The following PLOD3 variants were observed in gnomAD, a reference collection of about 807,000 sequenced individuals.
PLOD3 encodes procollagen-lysine,2-oxoglutarate 5-dioxygenase 3.
PLOD3 carries 73 observed loss-of-function variants against 96.9 expected under a neutral mutation model. That is an observed-to-expected ratio of 0.75 (90% CI 0.62 to 0.92). The LOEUF (loss-of-function observed/expected upper bound fraction) is 0.92. Among genes scored for constraint, PLOD3 ranks in the 40% least tolerant of loss-of-function variants. The pLI is 0.00. For synonymous variants in PLOD3, 454 were observed against 413.7 expected, an observed-to-expected ratio of 1.10 and a Z score of -1.18; for missense variants, 1,004 against 1,004.3, an observed-to-expected ratio of 1.00 and a Z score of 0.00.
intron 15 of PLOD3, 101 bp from the exon 16 acceptor site, chr7:101,209,058 G>T (rs963638665): frequency 1.0e-5 from 9 of 891,718 alleles, no homozygotes; most frequent in Non-Finnish European, 1.7e-5. Context: ...GAGCAGGGAA[G>T]GCTTTGTGAG....
intron 1 of PLOD3, 47 bp downstream of exon 1, chr7:101,217,119 G>A (rs1199222178): frequency 7.0e-7 from 1 of 1,436,576 alleles, no homozygotes; most frequent in Non-Finnish European, 9.1e-7. Context: ...TGGCAGGCAC[G>A]CCAGCCTCTG....
Position 101,208,878 on chromosome 7 carries a change from C to T in PLOD3, c.1763G>A (p.Gly588Asp). 1 of 1,613,598 alleles carries T rather than the reference C, an allele frequency of 6.2e-7. No individual in the cohort carries two copies. The highest frequency in any genetic ancestry group is 1.7e-5 in the Admixed American group (1 of 60,016). ...DELVAEMEHY[G>D]QWSGGRHEDS... ...CTCATGCCGGCCGCCTGACCACTGG[C>T]CGTAGTGCTCCATCTCTGCCACCAG... Residue 588 changes from glycine (G) to aspartate (D), a missense_variant, in exon 16 of 19, where the codon GGC becomes GAC. Physicochemically the swap from Gly to Asp is moderately conservative, Grantham distance 94. This residue lies in a region of PLOD3 where 222 missense variants were observed against 220.4 expected (regional missense o/e 1.01). Coordinates refer to ENST00000223127, the MANE Select transcript of PLOD3 (RefSeq NM_001084.5).
At position 101,212,671 on chromosome 7, in the gene PLOD3, C is replaced by T. The variant is rs190246843; in HGVS notation, c.880-16G>A. The stretch of plus-strand genomic sequence containing the variant: ...GGGGGGGAGGCTGGAAGATGCAACA[C>T]GCAGGGACTCAGAGAGAAGCCCGGA... On this transcript the variant is annotated splice_polypyrimidine_tract_variant and intron_variant, in intron 8 of 18. Transcript: ENST00000223127. The T allele has an allele frequency of 3.2e-3, 5,140 of 1,613,342 alleles. 11 individuals carry two copies. The highest frequency in any genetic ancestry group is 4.0e-3 in the Non-Finnish European group (4,706 of 1,179,916).
In PLOD3 at chr7:101,206,197, G is replaced by A; in HGVS notation, c.*84C>T. 7.6e-7 allele frequency: 1 copy of A among 1,318,656 alleles called. No individual in the cohort carries two copies. The highest frequency in any genetic ancestry group is 1.7e-5 in the Admixed American group (1 of 59,642). 81.7% of individuals were successfully genotyped at this position (1,318,656 alleles called of 1,614,324 possible). On this transcript the variant is annotated 3_prime_UTR_variant, in exon 19 of 19. Coordinates refer to ENST00000223127, the MANE Select transcript of PLOD3 (RefSeq NM_001084.5). ...AACTCAGGAAGTGGGGAGACAGAGAGACCCATCCCCCAACTCCCAGGACGG... is the reference window on the plus strand; with the variant it reads ...AACTCAGGAAGTGGGGAGACAGAGAAACCCATCCCCCAACTCCCAGGACGG...
chr7:101,210,108 T>C lies in PLOD3; in HGVS notation c.1668A>G (p.Glu556=). 6.2e-7 allele frequency: 1 copy of C among 1,600,940 alleles called. No individual in the cohort carries two copies. ...GTGGGCTCACCTGCTCCACGATTCC[T>C]TCCCCTTCCAGGGCCCGGCTGTAGT... ...HENYSRALEG[E]GIVEQPCPDV... is the part of the protein sequence containing the mutation. Residue 556 remains glutamate (E), a synonymous_variant, in exon 15 of 19, where the codon GAA becomes GAG. Transcript: ENST00000223127.
chr7:101,216,727 G>A lies in PLOD3; in HGVS notation c.169C>T (p.Arg57Cys), dbSNP rs763295820. 99 of 1,613,616 alleles carry A rather than the reference G, an allele frequency of 6.1e-5. No individual in the cohort carries two copies. Among genetic ancestry groups the A allele is most frequent in the Non-Finnish European group, 8.2e-5 (97 of 1,179,746 alleles). The part of the protein sequence containing the change: ...AETEGYLRFL[R>C]SAEFFNYTVR... ...GTGTAGTTGAAGAACTCCGCAGAGCGCAGGAAACGCAGGTACCCCTCGGTT... is the reference window on the plus strand; with the variant it reads ...GTGTAGTTGAAGAACTCCGCAGAGCACAGGAAACGCAGGTACCCCTCGGTT... Residue 57 changes from arginine to cysteine, a missense_variant, in exon 2 of 19, where the codon CGC (arginine) becomes TGC (cysteine). Arg to Cys is a radical substitution (Grantham distance 180). Around this residue, in one of 5 missense-constraint regions of PLOD3, gnomAD observed 690 missense variants for 650.2 expected, o/e 1.06. Coordinates refer to ENST00000223127, the MANE Select transcript of PLOD3 (RefSeq NM_001084.5).
In PLOD3 at chr7:101,216,479, A is replaced by G. The variant is rs1474394000; in HGVS notation, c.269T>C (p.Val90Ala). The stretch of plus-strand genomic sequence containing the variant: ...CTCCATTTCCTTCTTTAACCACCGG[A>G]CCTTCTGTCCTCCACCAACTGTTCG... ...VARTVGGGQK[V>A]RWLKKEMEKY... is the part of the protein sequence containing the mutation. Residue 90 changes from valine to alanine, a missense_variant, in exon 3 of 19, where the codon GTC becomes GCC. Coordinates refer to ENST00000223127, the MANE Select transcript of PLOD3 (RefSeq NM_001084.5). 1 of 1,613,594 alleles carries G rather than the reference A, an allele frequency of 6.2e-7. No individual in the cohort carries two copies. The highest frequency in any genetic ancestry group is 1.1e-5 in the South Asian group (1 of 91,056).
chr7:101,213,964 G>A (rs1437899657), intron 6 of PLOD3, among the ~76,000 whole-genome samples: 1 of 152,010 alleles, frequency 6.6e-6, no homozygotes, highest in Non-Finnish European at 1.5e-5. Context: ...CTCCCAAAGT[G>A]CTAGGATTAC....
chr7:101,216,721 C>T lies in PLOD3; in HGVS notation c.175G>A (p.Ala59Thr). The change falls in exon 2 of 19, where the codon GCG (alanine) becomes ACG (threonine). Residue 59 changes from alanine (A) to threonine (T), a missense_variant. Coordinates refer to ENST00000223127, the MANE Select transcript of PLOD3 (RefSeq NM_001084.5). ...CGCACAGTGTAGTTGAAGAACTCCG[C>T]AGAGCGCAGGAAACGCAGGTACCCC... is the stretch of plus-strand genomic sequence containing the variant. ...TEGYLRFLRS[A>T]EFFNYTVRTL... 1 of 1,613,974 alleles carries T rather than the reference C, an allele frequency of 6.2e-7. No homozygotes were observed.
chr7:101,212,127 T>C (rs2116803698), intron 10 of PLOD3, 126 bp downstream of exon 10: 1 of 1,293,374 alleles, frequency 7.7e-7, no homozygotes, highest in South Asian at 1.2e-5. Flanking sequence ...GCTGCAAGGA[T>C]GCGAATGGGG....
intron 6 of PLOD3, chr7:101,213,426 G>A (rs1251295664): frequency 3.4e-6 from 2 of 595,650 alleles, no homozygotes; most frequent in Non-Finnish European, 6.0e-6. Context: ...GCAGCTGGGC[G>A]AGGAAGGGGA....
rs1798187242 is a variant in PLOD3 at position 101,211,865 on chromosome 7, T to C, written c.1213A>G (p.Ile405Val). 4 of 1,612,218 alleles carry C rather than the reference T, an allele frequency of 2.5e-6. No homozygotes were observed. The South Asian group carries it at 4.4e-5, about 18-fold the overall frequency. ...AVLTNLQTLRILIEENRKVIA... is the reference protein window; with the variant it reads ...AVLTNLQTLRVLIEENRKVIA... ...AGCCACCTGTTCTCCTCAATGAGGA[T>C]ACGCAGGGTCTGCAGGTTGGTGAGG... The change falls in exon 11 of 19, where the codon ATC (isoleucine) becomes GTC (valine). Residue 405 changes from isoleucine (I) to valine (V), a missense_variant. By Grantham distance (29) the Ile-to-Val change is conservative. Around this residue, in one of 5 missense-constraint regions of PLOD3, gnomAD observed 690 missense variants for 650.2 expected, o/e 1.06. Transcript: ENST00000223127.
At position 101,211,938 on chromosome 7, in the gene PLOD3, C is replaced by A; in HGVS notation, c.1140G>T (p.Arg380=). ...AGTAGAACTCACACTCGGGGTCCTG[C>A]CGACACAGGTCCCTGGAGGTGAGAG... ...EARDMAMDLC[R]QDPECEFYFS... is the part of the protein sequence containing the mutation. The change falls in exon 11 of 19, where the codon CGG becomes CGT. Residue 380 remains arginine, a synonymous_variant. Coordinates refer to ENST00000223127, the MANE Select transcript of PLOD3 (RefSeq NM_001084.5). 6.2e-7 allele frequency: 1 copy of A among 1,604,184 alleles called. No homozygotes were observed. The highest frequency in any genetic ancestry group is 8.5e-7 in the Non-Finnish European group (1 of 1,175,588).
Position 101,210,372 on chromosome 7 carries a change from G to A in PLOD3, c.1573C>T (p.His525Tyr). 6.2e-7 allele frequency: 1 copy of A among 1,614,188 alleles called. No individual in the cohort carries two copies. The highest frequency in any genetic ancestry group is 8.5e-7 in the Non-Finnish European group (1 of 1,180,012). Residue 525 changes from histidine (H) to tyrosine (Y), a missense_variant, in exon 14 of 19, where the codon CAC becomes TAC. Coordinates refer to ENST00000223127, the MANE Select transcript of PLOD3 (RefSeq NM_001084.5). ...ATCTGCCAGAGGTCGGGGTGCAGGT[G>A]CTCCGTGTCGTATCTGGAAGTGGCC... ...LLATSRYDTE[H>Y]LHPDLWQIFD...
rs2116802743 is a variant in PLOD3 at position 101,211,724 on chromosome 7, C to G, written c.1233-8G>C. On this transcript the variant is annotated splice_region_variant and splice_polypyrimidine_tract_variant and intron_variant, in intron 11 of 18. Coordinates refer to ENST00000223127, the MANE Select transcript of PLOD3 (RefSeq NM_001084.5). ...ATGGGGGCGATCACCTTCCTGCGGACAGGTGGGGGTGAGGGCTGGGCAGAC... is the reference window on the plus strand; with the variant it reads ...ATGGGGGCGATCACCTTCCTGCGGAGAGGTGGGGGTGAGGGCTGGGCAGAC... The G allele has an allele frequency of 6.2e-7, 1 of 1,601,462 alleles. No homozygotes were observed. The highest frequency in any genetic ancestry group is 8.5e-7 in the Non-Finnish European group (1 of 1,174,882).
chr7:101,216,000 T>G lies in PLOD3; in HGVS notation c.523A>C (p.Thr175Pro). 6.2e-7 allele frequency: 1 copy of G among 1,614,088 alleles called. No individual in the cohort carries two copies. Among genetic ancestry groups the G allele is most frequent in the Non-Finnish European group, 8.5e-7 (1 of 1,179,990 alleles). ...NSGGFIGFAT[T>P]IHQIVRQWKY... The stretch of plus-strand genomic sequence containing the variant: ...CACTGGCGCACGATTTGGTGGATGG[T>G]GGTGGCAAAACCGATGAATCCTGGC... Residue 175 changes from threonine to proline, a missense_variant, in exon 5 of 19, where the codon ACC (threonine) becomes CCC (proline). By Grantham distance (38) the Thr-to-Pro change is conservative. Transcript: ENST00000223127.
At chr7:101,210,842 G>A (rs562740747) in intron 12 of PLOD3, 169 bp from the exon 13 acceptor site, 26 of 665,374 alleles carry the variant, frequency 3.9e-5, no homozygotes, top group Admixed American at 2.5e-4. Flanking sequence ...CCCAAAATGC[G>A]GTCAGTTCCT....
intron 5 of PLOD3, among the ~76,000 whole-genome samples, 154 bp from the exon 6 acceptor site, chr7:101,215,306 C>T (rs568241874): frequency 1.2e-4 from 19 of 152,356 alleles, no homozygotes; most frequent in South Asian, 2.1e-4. Flanking sequence ...CTCTGCCTCC[C>T]GGTTTAATTG....
At position 101,216,720 on chromosome 7, in the gene PLOD3, G is replaced by A. The variant is rs776359603; in HGVS notation, c.176C>T (p.Ala59Val). 8.7e-6 allele frequency: 14 copies of A among 1,613,608 alleles called. No individual in the cohort carries two copies. Among genetic ancestry groups the A allele is most frequent in the Admixed American group, 1.7e-5 (1 of 59,982 alleles). Residue 59 changes from alanine to valine, a missense_variant, in exon 2 of 19, where the codon GCG (alanine) becomes GTG (valine). Ala to Val is a moderately conservative substitution (Grantham distance 64). Coordinates refer to ENST00000223127, the MANE Select transcript of PLOD3 (RefSeq NM_001084.5). ...CCGCACAGTGTAGTTGAAGAACTCC[G>A]CAGAGCGCAGGAAACGCAGGTACCC... Reference protein sequence around the residue: ...TEGYLRFLRSAEFFNYTVRTL... With the variant: ...TEGYLRFLRSVEFFNYTVRTL...
Sources: gnomAD v4.1 joint callset for allele counts (sites outside exome capture counted in the v4.1 genomes callset) on GRCh38, gnomAD v4.1.1 for gene constraint, gnomAD v4.1.1 regional missense constraint, MANE v1.5 for transcripts, NCBI Gene and HGNC (gene_info 2026-07-23, HGNC 2026-07-21) for gene names.